ITIH5: variants seen among roughly 807,000 people sequenced by gnomAD.
The protein encoded by ITIH5 is inter-alpha-trypsin inhibitor heavy chain H5.
Under a neutral mutation model 77.5 loss-of-function variants are expected in ITIH5, and 65 were observed. The ratio of observed to expected loss-of-function variants is 0.84; its 90% CI spans 0.69 to 1.03. The LOEUF is 1.03. Ranked by LOEUF, ITIH5 falls within the 50% of genes least tolerant of loss-of-function variation. The pLI is 0.00. For synonymous variants in ITIH5, 525 were observed against 494.3 expected (o/e 1.06, Z -0.82); for missense variants, 1,208 against 1,213.1 (o/e 1.00, Z 0.06).
At chr10:7,634,744 CT>C (rs1833772939) in intron 5 of ITIH5, among the ~76,000 whole-genome samples, 1 of 152,090 alleles carries the variant, frequency 6.6e-6, no homozygotes, top group Non-Finnish European at 1.5e-5. Context: ...CAGGACTCCC[CT>C]CTGAACCTTC....
intron 5 of ITIH5, among the ~76,000 whole-genome samples, chr10:7,628,960 T>C (rs1833648550): frequency 7.4e-6 from 1 of 135,856 alleles, no homozygotes; most frequent in African/African-American, 2.6e-5. Context: ...GTAGCGTGTG[T>C]CCGTGTTGTA....
chr10:7,644,434 T>TATATATCAC (rs1833943519), intron 2 of ITIH5, among the ~76,000 whole-genome samples: 1 of 144,554 alleles, frequency 6.9e-6, no homozygotes, highest in East Asian at 2.0e-4. Flanking sequence ...ACATATATCA[T>TATATATCAC]ATATATCACA....
intron 8 of ITIH5, among the ~76,000 whole-genome samples, chr10:7,582,632 A>C (rs967070968): frequency 6.6e-6 from 1 of 152,180 alleles, no homozygotes; most frequent in Non-Finnish European, 1.5e-5. Context: ...TGGTACATAT[A>C]TACCATGGGG....
At chr10:7,627,157 G>A (rs1833594353) in intron 5 of ITIH5, among the ~76,000 whole-genome samples, 1 of 152,074 alleles carries the variant, frequency 6.6e-6, no homozygotes, top group East Asian at 1.9e-4. Context: ...GGCAAGGGGA[G>A]GGAAAGCATT....
chr10:7,587,356 C>T (rs1832700755), intron 7 of ITIH5, among the ~76,000 whole-genome samples: 2 of 152,198 alleles, frequency 1.3e-5, no homozygotes, highest in Admixed American at 1.3e-4. Flanking sequence ...TCCCAAGCAG[C>T]ACTGTTGTTA....
chr10:7,585,938 A>C lies in ITIH5; in HGVS notation c.1071T>G (p.Asp357Glu). 6.2e-7 allele frequency: 1 copy of C among 1,614,002 alleles called. No homozygotes were observed. Among genetic ancestry groups the C allele is most frequent in the Non-Finnish European group, 8.5e-7 (1 of 1,179,982 alleles). The change falls in exon 8 of 14, where the codon GAT becomes GAG. Residue 357 changes from aspartate to glutamate, a missense_variant. By Grantham distance (45) the Asp-to-Glu change is conservative. Transcript: ENST00000397146. ...LISVTPDSIR[D>E]GKVYIHHMSP... Reference sequence around the variant, plus strand: ...ACATATGGTGAATGTACACTTTCCCATCCCTGATGCTGTCTGGAGTGACTG... The same window carrying C: ...ACATATGGTGAATGTACACTTTCCCCTCCCTGATGCTGTCTGGAGTGACTG...
At chr10:7,633,861 G>A (rs1404422513) in intron 5 of ITIH5, among the ~76,000 whole-genome samples, 4 of 151,812 alleles carry the variant, frequency 2.6e-5, no homozygotes, top group Non-Finnish European at 4.4e-5. Context: ...AGGCCGAGGC[G>A]GGCGGATCAC....
In ITIH5 at chr10:7,576,924, A is replaced by C. The variant is rs1368475083; in HGVS notation, c.1507T>G (p.Phe503Val). ...TCCGAGCCGTTGAAGTAGTTGGGGA[A>C]CAGGGTCTTGGTGGCCTGCACCACT... ...SSVVQATKTL[F>V]PNYFNGSEII... is the part of the protein sequence containing the mutation. Residue 503 changes from phenylalanine (F) to valine (V), a missense_variant, in exon 10 of 14, where the codon TTC (phenylalanine) becomes GTC (valine). Transcript: ENST00000397146. The C allele has an allele frequency of 6.2e-7, 1 of 1,613,972 alleles. No individual in the cohort carries two copies. Among genetic ancestry groups the C allele is most frequent in the Admixed American group, 1.7e-5 (1 of 60,008 alleles).
chr10:7,563,766 C>G (rs1451482177), intron 13 of ITIH5, among the ~76,000 whole-genome samples: 1 of 152,246 alleles, frequency 6.6e-6, no homozygotes, highest in African/African-American at 2.4e-5. Context: ...CTATCCGTCT[C>G]AGGTCTGTGC....
chr10:7,628,736 AGC>A (rs1415631756), intron 5 of ITIH5, among the ~76,000 whole-genome samples: 1 of 115,422 alleles, frequency 8.7e-6, no homozygotes, highest in African/African-American at 4.0e-5. Flanking sequence ...TCCATGTTGC[AGC>A]GTGTGTCCAT....
intron 7 of ITIH5, chr10:7,609,590 A>T (rs147379885): frequency 2.2e-5 from 9 of 408,666 alleles, no homozygotes; most frequent in Non-Finnish European, 4.4e-5. Flanking sequence ...TTTTAACTTG[A>T]CTAATTCACG....
At chr10:7,620,262 C>T (rs903862999) in intron 5 of ITIH5, 2 of 151,990 alleles carry the variant, frequency 1.3e-5, no homozygotes, top group Admixed American at 6.6e-5. Context: ...TACCACAAGG[C>T]AATAAAAACA....
intron 7 of ITIH5, among the ~76,000 whole-genome samples, chr10:7,610,402 A>G (rs1279232513): frequency 6.6e-6 from 1 of 152,180 alleles, no homozygotes; most frequent in Non-Finnish European, 1.5e-5. Flanking sequence ...TTAAGGTTGA[A>G]TGGTCTTTAC....
rs749659213 is a variant in ITIH5, at chr10:7,566,425, A to G, written c.2150-18T>C. ...TGTGACACCTCAAAGGCCAAGGGGA[A>G]AAGAAGAAGGTTAGAAAATCTGACC... On this transcript the variant is annotated intron_variant, in intron 12 of 13. Coordinates refer to ENST00000397146, the MANE Select transcript of ITIH5 (RefSeq NM_030569.7). 4 of 1,577,246 alleles carry G rather than the reference A, an allele frequency of 2.5e-6. No individual in the cohort carries two copies. The East Asian group carries it at 9.0e-5, about 36-fold the overall frequency.
intron 5 of ITIH5, among the ~76,000 whole-genome samples, chr10:7,625,781 G>GAA (rs1356256268): frequency 9.5e-5 from 13 of 136,542 alleles, no homozygotes; most frequent in South Asian, 4.4e-4. Context: ...AAAAAAGAAA[G>GAA]AAAGAAAGAA....
rs570070361 is a variant in ITIH5, at chr10:7,641,954, G to T, written c.272C>A (p.Ala91Asp). 2.5e-6 allele frequency: 4 copies of T among 1,614,136 alleles called. No individual in the cohort carries two copies. The African/African-American group carries it at 4.0e-5, about 16-fold the overall frequency. The change falls in exon 3 of 14, where the codon GCT becomes GAT. Residue 91 changes from alanine (A) to aspartate (D), a missense_variant. Ala to Asp is a moderately radical substitution (Grantham distance 126). Transcript: ENST00000397146. ...AGTGAAGTTGGTGATGAAAGCTGCAGCTGGAATCTGCATCTGGAACTCAAT... is the reference window on the plus strand; with the variant it reads ...AGTGAAGTTGGTGATGAAAGCTGCATCTGGAATCTGCATCTGGAACTCAAT... ...QDIEFQMQIP[A>D]AAFITNFTML...
chr10:7,618,498 A>T (rs1411040180), intron 5 of ITIH5: 1 of 152,298 alleles, frequency 6.6e-6, no homozygotes, highest in East Asian at 1.9e-4. Flanking sequence ...AACCCAAACA[A>T]CACCATATCT....
chr10:7,585,711 T>A (rs1306147457), intron 8 of ITIH5, among the ~76,000 whole-genome samples, 190 bp downstream of exon 8: 3 of 151,066 alleles, frequency 2.0e-5, no homozygotes, highest in Non-Finnish European at 4.4e-5. Flanking sequence ...ACTTGTAGAC[T>A]GGGAAAGGAG....
chr10:7,605,397 G>C (rs1282978721), intron 7 of ITIH5, among the ~76,000 whole-genome samples: 1 of 151,384 alleles, frequency 6.6e-6, no homozygotes, highest in African/African-American at 2.4e-5. Context: ...ACCCCATCAC[G>C]CAACTACTGG....
Sources: gnomAD v4.1 joint callset for allele counts (sites outside exome capture counted in the v4.1 genomes callset) on GRCh38, gnomAD v4.1.1 for gene constraint, MANE v1.5 for transcripts, NCBI Gene and HGNC (gene_info 2026-07-23, HGNC 2026-07-21) for gene names.